The following EPS15L1 variants were observed in gnomAD, a reference collection of about 807,000 sequenced individuals.
The protein encoded by EPS15L1 is epidermal growth factor receptor pathway substrate 15 like 1.
Under a neutral mutation model 117.1 loss-of-function variants are expected in EPS15L1, and 43 were observed. The ratio of observed to expected loss-of-function variants is 0.37; its 90% CI spans 0.29 to 0.47. The LOEUF (loss-of-function observed/expected upper bound fraction) is 0.47. Ranked by LOEUF, EPS15L1 falls within the 20% of genes least tolerant of loss-of-function variation. EPS15L1 has a pLI of 0.99. For missense variants in EPS15L1, 981 were observed against 1,164.0 expected (o/e 0.84, Z 2.29); for synonymous variants, 459 against 470.5 (o/e 0.98, Z 0.32).
rs1273665075 is a variant in EPS15L1 at position 16,355,726 on chromosome 19, C to T, written c.2712G>A (p.Lys904=). Residue 904 remains lysine (K), a synonymous_variant, in exon 24 of 24, where the codon AAG becomes AAA. Coordinates refer to ENST00000455140, the MANE Select transcript of EPS15L1 (RefSeq NM_001258374.3). ...EDLELAIALS[K]ADMPAA is the part of the protein sequence containing the mutation. Reference sequence around the variant, plus strand: ...TCGCCTAGGCGGCAGGCATGTCAGCCTTGCTGAGCGCGATGGCCAGTTCCA... The same window carrying T: ...TCGCCTAGGCGGCAGGCATGTCAGCTTTGCTGAGCGCGATGGCCAGTTCCA... The T allele has an allele frequency of 1.3e-6, 2 of 1,535,906 alleles. No individual in the cohort carries two copies. The highest frequency in any genetic ancestry group is 1.2e-5 in the South Asian group (1 of 84,036).
At chr19:16,426,479 C>CA (rs904645398) in intron 8 of EPS15L1, among the ~76,000 whole-genome samples, 25 of 149,552 alleles carry the variant, frequency 1.7e-4, no homozygotes, top group East Asian at 7.8e-4. Flanking sequence ...ACTAAAAATT[C>CA]AAAAAAAAAA....
Position 16,385,084 on chromosome 19 carries a change from C to CA in EPS15L1, c.2247+44dup, listed in dbSNP as rs774926392. On this transcript the variant is annotated intron_variant, in intron 21 of 23. Transcript: ENST00000455140. The stretch of plus-strand genomic sequence containing the variant: ...GCAGCCCACACCATGACAAGAGGCA[C>CA]AAAGACACTAGCAGAGGCGCGGGGG... The CA allele has an allele frequency of 2.7e-6, 4 of 1,480,948 alleles. No homozygotes were observed. The South Asian group carries it at 4.5e-5, about 17-fold the overall frequency. The allele number at this position is 1,480,948 out of a possible 1,614,324, so 91.7% of individuals were successfully genotyped here. A position where few individuals can be genotyped will look rare whatever the true frequency, so the allele number is the denominator to read the frequency against.
intron 21 of EPS15L1, 77 bp downstream of exon 21, chr19:16,385,052 A>T: frequency 8.9e-7 from 1 of 1,129,332 alleles, no homozygotes; most frequent in Non-Finnish European, 1.3e-6. Flanking sequence ...ATGAACAATT[A>T]CGCCTGGCAG....
rs151301323 is a variant in EPS15L1 at position 16,420,512 on chromosome 19, C to T, written c.950+807G>A. ...CATTTGGGTGATGACTCTGCGACAGCTAGTTCTCAGGCTCCCACCTCACAG... is the reference window on the plus strand; with the variant it reads ...CATTTGGGTGATGACTCTGCGACAGTTAGTTCTCAGGCTCCCACCTCACAG... On this transcript the variant is annotated intron_variant, in intron 10 of 23. Coordinates refer to ENST00000455140, the MANE Select transcript of EPS15L1 (RefSeq NM_001258374.3). 1.3e-3 allele frequency among the ~76,000 whole-genome samples: 197 copies of T among 152,328 alleles called. 1 individual carries two copies. The Middle Eastern group carries it at 0.014, about 11-fold the overall frequency.
rs774908151 is a variant in EPS15L1 at position 16,370,563 on chromosome 19, CTG to C, written c.2380+6557_2380+6558del. ...CCCAGGCCTCAGCATTTGCACCCCA[CTG>C]AACACCAGATGATAATCGAGTCACA... On this transcript the variant is annotated intron_variant, in intron 22 of 23. Transcript: ENST00000455140. This position sits in a 1 kb window ranked among gnomAD's most constrained non-coding sequence, Gnocchi z 5.2. 6.6e-6 allele frequency among the ~76,000 whole-genome samples: 1 copy of C among 152,204 alleles called. No individual in the cohort carries two copies. Among genetic ancestry groups the C allele is most frequent in the Non-Finnish European group, 1.5e-5 (1 of 68,038 alleles).
rs1420605052 is a variant in EPS15L1 at position 16,441,790 on chromosome 19, G to C, written c.165+102C>G. ...GCAGCGACCAGGCCACTACCCAGGA[G>C]GCCGGGCCCCATGGAAGGAGGCCTG... is the stretch of plus-strand genomic sequence containing the variant. On this transcript the variant is annotated intron_variant, in intron 3 of 23. Transcript: ENST00000455140. 3 of 858,046 alleles carry C rather than the reference G, an allele frequency of 3.5e-6. No homozygotes were observed. In the African/African-American group the frequency reaches 5.1e-5, roughly 15 times the overall value. The allele number at this position is 858,046 out of a possible 1,614,324, so 53.2% of individuals were successfully genotyped here.
At position 16,376,564 on chromosome 19, in the gene EPS15L1, C is replaced by G. The variant is rs1340464230; in HGVS notation, c.2380+558G>C. Among the ~76,000 whole-genome samples the G allele has an allele frequency of 4.6e-5, 7 of 152,278 alleles. No homozygotes were observed. In the East Asian group the frequency reaches 1.2e-3, roughly 25 times the overall value. On this transcript the variant is annotated intron_variant, in intron 22 of 23. Transcript: ENST00000455140. Reference sequence around the variant, plus strand: ...GGCAAGCTGGGGCAGAGGGGAGCCCCGAGCCATCCTGCCTCCTCACATCAG... The same window carrying G: ...GGCAAGCTGGGGCAGAGGGGAGCCCGGAGCCATCCTGCCTCCTCACATCAG...
intron 17 of EPS15L1, among the ~76,000 whole-genome samples, chr19:16,395,114 G>C (rs1311690887): frequency 6.6e-6 from 1 of 150,572 alleles, no homozygotes; most frequent in Non-Finnish European, 1.5e-5. Flanking sequence ...AGAATTGCTT[G>C]AACCCAGGAG....
intron 7 of EPS15L1, among the ~76,000 whole-genome samples, chr19:16,433,422 G>A (rs765027498): frequency 1.3e-5 from 2 of 151,942 alleles, no homozygotes; most frequent in African/African-American, 2.4e-5. Flanking sequence ...GTGAGCCACC[G>A]CACCAGGCTA....
chr19:16,379,193 T>C (rs2092332505), intron 21 of EPS15L1, among the ~76,000 whole-genome samples: 1 of 152,050 alleles, frequency 6.6e-6, no homozygotes, highest in African/African-American at 2.4e-5. Flanking sequence ...TAGTCCCAAC[T>C]ACTCGGGAGG....
At chr19:16,441,629 CAAAAAAAAA>C (rs369757727) in intron 3 of EPS15L1, 4 of 87,152 alleles carry the variant, frequency 4.6e-5, no homozygotes, top group Non-Finnish European at 6.5e-5. Context: ...AACTCTGTCT[CAAAAAAAAA>C]AAAAAAAAAA....
chr19:16,357,974 G>GGA (rs542729642), intron 23 of EPS15L1: 5 of 152,452 alleles, frequency 3.3e-5, no homozygotes, highest in Admixed American at 3.3e-4. Flanking sequence ...ACAGTGGGAG[G>GGA]GAGACAGTGC....
chr19:16,360,703 G>A (rs1021651351), intron 23 of EPS15L1, among the ~76,000 whole-genome samples: 1 of 152,094 alleles, frequency 6.6e-6, no homozygotes, highest in Non-Finnish European at 1.5e-5. Flanking sequence ...AGCTCTGATC[G>A]CGCCAATGCA....
chr19:16,417,963 T>G lies in EPS15L1; in HGVS notation c.1092A>C (p.Arg364Ser), dbSNP rs1419896312. 6.2e-7 allele frequency: 1 copy of G among 1,613,534 alleles called. No homozygotes were observed. Among genetic ancestry groups the G allele is most frequent in the East Asian group, 2.2e-5 (1 of 44,882 alleles). Residue 364 changes from arginine (R) to serine (S), a missense_variant, in exon 11 of 24, where the codon AGA becomes AGC. Physicochemically the swap from Arg to Ser is moderately radical, Grantham distance 110. Coordinates refer to ENST00000455140, the MANE Select transcript of EPS15L1 (RefSeq NM_001258374.3). The part of the protein sequence containing the change: ...LSPDMVPPSE[R>S]GTPGPDSSGS... ...CACCACTCACCGGGCCGGGCGTGCCTCTCTCCGAAGGCGGGACCATGTCCG... is the reference window on the plus strand; with the variant it reads ...CACCACTCACCGGGCCGGGCGTGCCGCTCTCCGAAGGCGGGACCATGTCCG...
chr19:16,454,003 C>T (rs1437117219), intron 1 of EPS15L1, among the ~76,000 whole-genome samples: 1 of 152,138 alleles, frequency 6.6e-6, no homozygotes, highest in Non-Finnish European at 1.5e-5. Context: ...GATCGTGCTT[C>T]TGTGAAACAA....
Position 16,367,772 on chromosome 19 carries a change from AC to A in EPS15L1, c.2381-5789del, listed in dbSNP as rs1252919357. Among the ~76,000 whole-genome samples the A allele has an allele frequency of 2.6e-4, 39 of 150,250 alleles. No individual in the cohort carries two copies. In the South Asian group the frequency reaches 2.7e-3, roughly 10 times the overall value. The stretch of plus-strand genomic sequence containing the variant: ...GCAAAGCAAAAAAAAAAAAAAAAAA[AC>A]CCAAAAAACAACAAACAAACAAAAA... On this transcript the variant is annotated intron_variant, in intron 22 of 23. Coordinates refer to ENST00000455140, the MANE Select transcript of EPS15L1 (RefSeq NM_001258374.3).
rs1313655719 is a variant in EPS15L1 at position 16,355,724 on chromosome 19, G to C, written c.2714C>G (p.Ala905Gly). The C allele has an allele frequency of 4.6e-5, 70 of 1,535,760 alleles. No individual in the cohort carries two copies. The highest frequency in any genetic ancestry group is 6.0e-5 in the Non-Finnish European group (69 of 1,146,728). ...CCTCGCCTAGGCGGCAGGCATGTCA[G>C]CCTTGCTGAGCGCGATGGCCAGTTC... ...DLELAIALSKADMPAA is the reference protein window; with the variant it reads ...DLELAIALSKGDMPAA The change falls in exon 24 of 24, where the codon GCT becomes GGT. Residue 905 changes from alanine to glycine, a missense_variant. Ala to Gly is a moderately conservative substitution (Grantham distance 60). Around this residue, in one of 5 missense-constraint regions of EPS15L1, gnomAD observed 819 missense variants for 949.0 expected, o/e 0.86. Coordinates refer to ENST00000455140, the MANE Select transcript of EPS15L1 (RefSeq NM_001258374.3).
intron 1 of EPS15L1, among the ~76,000 whole-genome samples, chr19:16,457,682 G>A (rs1297931108): frequency 6.6e-6 from 1 of 152,068 alleles, no homozygotes; most frequent in Non-Finnish European, 1.5e-5. Context: ...TCCTGAAAAC[G>A]CTGCTTAAGA....
In EPS15L1 at chr19:16,360,107, G is replaced by A. The variant is rs553448731; in HGVS notation, c.2586+1672C>T. Among the ~76,000 whole-genome samples, 56 of 150,848 alleles carry A rather than the reference G, an allele frequency of 3.7e-4. 1 individual carries two copies. In the South Asian group the frequency reaches 9.8e-3, roughly 26 times the overall value. ...CTTTTCGAAAAAACGAGCCCTTTGC[G>A]GGTTGGGGTCACAGGAAATAGAATT... On this transcript the variant is annotated intron_variant, in intron 23 of 23. Coordinates refer to ENST00000455140, the MANE Select transcript of EPS15L1 (RefSeq NM_001258374.3).
Sources: gnomAD v4.1 joint callset for allele counts (sites outside exome capture counted in the v4.1 genomes callset) on GRCh38, gnomAD v4.1.1 for gene constraint, gnomAD v4.1.1 regional missense constraint, Gnocchi (gnomAD v3.1) non-coding constraint, MANE v1.5 for transcripts, NCBI Gene and HGNC (gene_info 2026-07-23, HGNC 2026-07-21) for gene names.